Variants in BRINP3 observed in about 807,000 individuals in gnomAD.
BRINP3 encodes BMP/retinoic acid-inducible neural-specific protein 3.
In BRINP3, 19 loss-of-function variants were observed where a neutral mutation model predicts 71.0. The observed-to-expected ratio is 0.27, with a 90% confidence interval of 0.19 to 0.39. The LOEUF is 0.39. BRINP3 is among the 10% of genes least tolerant of loss of function. The pLI, the probability that BRINP3 is intolerant of heterozygous loss-of-function variation, is 1.00. For synonymous variants in BRINP3, 380 were observed against 337.7 expected (o/e 1.13, Z -1.37); for missense variants, 959 against 940.8 (o/e 1.02, Z -0.25).
intron 6 of BRINP3, among the ~76,000 whole-genome samples, chr1:190,211,874 T>C (rs1334599353): frequency 6.6e-6 from 1 of 152,112 alleles, no homozygotes; most frequent in African/African-American, 2.4e-5. Flanking sequence ...TTTTAAACAC[T>C]GGTACAGTCA....
At chr1:190,123,259 T>C (rs985785574) in intron 7 of BRINP3, among the ~76,000 whole-genome samples, 1 of 152,172 alleles carries the variant, frequency 6.6e-6, no homozygotes, top group Non-Finnish European at 1.5e-5. Context: ...AGAATCCACC[T>C]GGACCACTTA....
intron 6 of BRINP3, among the ~76,000 whole-genome samples, chr1:190,221,690 A>T (rs560386421): frequency 3.3e-5 from 5 of 152,220 alleles, no homozygotes; most frequent in African/African-American, 9.6e-5. Context: ...ATGTAGAAAG[A>T]TACACATAGA....
At chr1:190,103,512 G>T (rs1651877107) in intron 7 of BRINP3, among the ~76,000 whole-genome samples, 1 of 152,022 alleles carries the variant, frequency 6.6e-6, no homozygotes, top group Admixed American at 6.6e-5. Context: ...CTAGGAGTAG[G>T]ATTCAGGAAT....
chr1:190,254,693 T>C (rs776464438), intron 4 of BRINP3, among the ~76,000 whole-genome samples: 9 of 152,222 alleles, frequency 5.9e-5, no homozygotes, highest in Non-Finnish European at 1.0e-4. Flanking sequence ...TGGGGTTTTC[T>C]AAATATACAA....
intron 1 of BRINP3, among the ~76,000 whole-genome samples, chr1:190,459,108 T>C (rs1311524510): frequency 6.7e-6 from 1 of 149,560 alleles, no homozygotes; most frequent in Admixed American, 6.7e-5. Flanking sequence ...ATATTTAGTA[T>C]AGGTCCTACT....
rs185744902 is a variant in BRINP3 at position 190,338,300 on chromosome 1, T to C, written c.237-56550A>G. On this transcript the variant is annotated intron_variant, in intron 2 of 7. Transcript: ENST00000367462. The stretch of plus-strand genomic sequence containing the variant: ...GTAATTTGTCATTTTGTTTACACTA[T>C]AACAGAGTTAAGAATTACTTAATAA... Among the ~76,000 whole-genome samples, 377 of 152,194 alleles carry C rather than the reference T, an allele frequency of 2.5e-3. 1 individual carries two copies. Among genetic ancestry groups the C allele is most frequent in the Admixed American group, 7.2e-3 (110 of 15,254 alleles).
intron 7 of BRINP3, among the ~76,000 whole-genome samples, chr1:190,142,793 A>C (rs1346312408): frequency 6.6e-6 from 1 of 151,928 alleles, no homozygotes; most frequent in African/African-American, 2.4e-5. Context: ...ATTATCAAAA[A>C]GCTCACTTTT....
At chr1:190,143,408 C>T (rs933627921) in intron 7 of BRINP3, among the ~76,000 whole-genome samples, 2 of 152,188 alleles carry the variant, frequency 1.3e-5, no homozygotes, top group African/African-American at 4.8e-5. Context: ...AATGGAACTA[C>T]TCAAAGGTCA....
intron 6 of BRINP3, among the ~76,000 whole-genome samples, chr1:190,193,372 G>C (rs756247325): frequency 6.6e-6 from 1 of 152,018 alleles, no homozygotes; most frequent in Non-Finnish European, 1.5e-5. Flanking sequence ...AACTGATTTG[G>C]TCTGTTGTGA....
At chr1:190,312,983 G>T (rs1054069123) in intron 2 of BRINP3, among the ~76,000 whole-genome samples, 1 of 151,600 alleles carries the variant, frequency 6.6e-6, no homozygotes. Flanking sequence ...CCTTATAATA[G>T]CTACCATTAA....
intron 6 of BRINP3, among the ~76,000 whole-genome samples, chr1:190,194,699 T>C (rs74131308): frequency 0.012 from 1,838 of 152,214 alleles, 30 homozygotes; most frequent in African/African-American, 0.041. Context: ...CACCTGTTTT[T>C]AAGAAGAATG....
At chr1:190,212,842 C>T (rs909655115) in intron 6 of BRINP3, among the ~76,000 whole-genome samples, 1 of 152,086 alleles carries the variant, frequency 6.6e-6, no homozygotes, top group Non-Finnish European at 1.5e-5. Flanking sequence ...GAAGAGACTC[C>T]AGCTAACCTG....
chr1:190,269,521 C>A (rs1306363602), intron 3 of BRINP3, among the ~76,000 whole-genome samples: 1 of 151,920 alleles, frequency 6.6e-6, no homozygotes, highest in African/African-American at 2.4e-5. Flanking sequence ...ATGGTTAATT[C>A]CTCTAACATT....
intron 7 of BRINP3, among the ~76,000 whole-genome samples, chr1:190,104,069 T>G (rs1051330432): frequency 1.3e-5 from 2 of 152,028 alleles, no homozygotes; most frequent in Admixed American, 6.6e-5. Flanking sequence ...TAAATATTAT[T>G]TTTTAAATAT....
rs143683836 is a variant in BRINP3 at position 190,248,173 on chromosome 1, C to G, written c.619-13696G>C. Among the ~76,000 whole-genome samples the G allele has an allele frequency of 1.9e-3, 283 of 151,792 alleles. 1 individual carries two copies. Among genetic ancestry groups the G allele is most frequent in the African/African-American group, 6.2e-3 (257 of 41,480 alleles). ...TATTTTAGTGGGAAATCTGTGTCAC[C>G]TCTTGCTATTAGATTCGTGCAAACG... On this transcript the variant is annotated intron_variant, in intron 4 of 7. Transcript: ENST00000367462.
At chr1:190,448,843 T>C (rs1352846244) in intron 2 of BRINP3, among the ~76,000 whole-genome samples, 1 of 151,982 alleles carries the variant, frequency 6.6e-6, no homozygotes, top group Non-Finnish European at 1.5e-5. Flanking sequence ...AAACTTTTTA[T>C]ATGTTTGTCT....
chr1:190,381,020 G>T (rs1422551203), intron 2 of BRINP3, among the ~76,000 whole-genome samples: 1 of 151,932 alleles, frequency 6.6e-6, no homozygotes, highest in African/African-American at 2.4e-5. Flanking sequence ...AATACTAGAT[G>T]ACTTCTTCAA....
chr1:190,329,732 T>C (rs189820691), intron 2 of BRINP3, among the ~76,000 whole-genome samples: 10 of 152,010 alleles, frequency 6.6e-5, no homozygotes, highest in Admixed American at 5.3e-4. Context: ...CGGCATCACG[T>C]TGCCAAACTT....
chr1:190,199,811 A>C (rs143373001), intron 6 of BRINP3, among the ~76,000 whole-genome samples: 3,582 of 151,782 alleles, frequency 0.024, 75 homozygotes, highest in South Asian at 0.1. Flanking sequence ...CAAAAAAAAA[A>C]CCTAACCATT....
Sources: gnomAD v4.1 joint callset for allele counts (sites outside exome capture counted in the v4.1 genomes callset) on GRCh38, gnomAD v4.1.1 for gene constraint, MANE v1.5 for transcripts, NCBI Gene and HGNC (gene_info 2026-07-23, HGNC 2026-07-21) for gene names.